NDUFAF1: variants seen among roughly 807,000 people sequenced by gnomAD.
NDUFAF1 encodes complex I intermediate-associated protein 30, mitochondrial.
NDUFAF1 carries 18 observed loss-of-function variants against 28.7 expected under a neutral mutation model. The observed-to-expected ratio is 0.63, with a 90% CI of 0.43 to 0.93. The LOEUF (loss-of-function observed/expected upper bound fraction) is 0.93, where lower values mean the gene tolerates loss of function less well. Among genes scored for constraint, NDUFAF1 ranks in the 40% least tolerant of loss-of-function variants. The pLI is 0.00. For synonymous variants in NDUFAF1, 113 were observed against 139.7 expected, an observed-to-expected ratio of 0.81 and a Z score of 1.35; for missense variants, 404 against 398.3, an observed-to-expected ratio of 1.01 and a Z score of -0.12.
chr15:41,395,580 C>T (rs1213916767), intron 2 of NDUFAF1, among the ~76,000 whole-genome samples: 1 of 151,320 alleles, frequency 6.6e-6, no homozygotes, highest in Non-Finnish European at 1.5e-5. Context: ...CCGTGTTAGC[C>T]AGGATGGTCT....
chr15:41,395,608 G>A (rs1313162009), intron 2 of NDUFAF1, among the ~76,000 whole-genome samples: 2 of 149,250 alleles, frequency 1.3e-5, no homozygotes, highest in Non-Finnish European at 3.0e-5. Flanking sequence ...CTGACCTGGT[G>A]ATCCGCCCAC....
At chr15:41,391,426 G>A (rs1399837825) in intron 3 of NDUFAF1, among the ~76,000 whole-genome samples, 1 of 151,790 alleles carries the variant, frequency 6.6e-6, no homozygotes, top group Non-Finnish European at 1.5e-5. Context: ...TTCGAAACCA[G>A]CCTGGCCAAC....
intron 2 of NDUFAF1, 133 bp from the exon 3 acceptor site, chr15:41,395,177 T>G (rs752473087): frequency 6.5e-6 from 5 of 774,694 alleles, no homozygotes; most frequent in African/African-American, 1.7e-5. Flanking sequence ...AGAAGGCACA[T>G]AAACCCAGTG....
chr15:41,398,966 A>T (rs1034298311), intron 1 of NDUFAF1, among the ~76,000 whole-genome samples: 12 of 151,654 alleles, frequency 7.9e-5, no homozygotes, highest in African/African-American at 1.9e-4. Context: ...CAAAAAAAAT[A>T]AAAAAACCAA....
At chr15:41,394,054 G>C (rs1555382382) in intron 3 of NDUFAF1, 1 of 105,662 alleles carries the variant, frequency 9.5e-6, no homozygotes, top group Admixed American at 1.3e-4. Context: ...TTGAGACAAA[G>C]TTTGGCTCTT....
chr15:41,396,087 CAA>C (rs71431810), intron 2 of NDUFAF1, among the ~76,000 whole-genome samples: 2 of 130,034 alleles, frequency 1.5e-5, no homozygotes, highest in Non-Finnish European at 1.7e-5. Flanking sequence ...GACTCCGTTT[CAA>C]AAAAAAAAAA....
chr15:41,401,527 T>C (rs1403297266), intron 1 of NDUFAF1, among the ~76,000 whole-genome samples: 1 of 151,176 alleles, frequency 6.6e-6, no homozygotes, highest in Admixed American at 6.6e-5. Context: ...CTCCACCTCC[T>C]GGTTTCAAGC....
At chr15:41,395,131 G>T in intron 2 of NDUFAF1, 87 bp from the exon 3 acceptor site, 1 of 1,251,274 alleles carries the variant, frequency 8.0e-7, no homozygotes. Flanking sequence ...TCATCAACAG[G>T]ATGCACTAAC....
chr15:41,388,150 T>A (rs1595629055), intron 4 of NDUFAF1, among the ~76,000 whole-genome samples: 6 of 152,288 alleles, frequency 3.9e-5, no homozygotes, highest in Admixed American at 3.9e-4. Flanking sequence ...GAATGCCTAA[T>A]GGAGTTCCTT....
chr15:41,399,315 G>C (rs1361639653), intron 1 of NDUFAF1, among the ~76,000 whole-genome samples: 1 of 151,746 alleles, frequency 6.6e-6, no homozygotes, highest in Non-Finnish European at 1.5e-5. Flanking sequence ...AGAATCGCTT[G>C]AACCCAGGAG....
At position 41,397,240 on chromosome 15, in the gene NDUFAF1, T is replaced by A. The variant is rs1001827704; in HGVS notation, c.-81-100A>T. On this transcript the variant is annotated intron_variant, in intron 1 of 4. Transcript: ENST00000260361. ...AGGTATTTTGAAGTTTGTTAACTTATTTGTTTACTATTATTATTATTATTA... is the reference window on the plus strand; with the variant it reads ...AGGTATTTTGAAGTTTGTTAACTTAATTGTTTACTATTATTATTATTATTA... 157 of 603,214 alleles carry A rather than the reference T, an allele frequency of 2.6e-4. 1 individual carries two copies. Among genetic ancestry groups the A allele is most frequent in the Non-Finnish European group, 6.4e-5 (22 of 342,760 alleles). 37.4% of individuals were successfully genotyped at this position (603,214 alleles called of 1,614,324 possible).
chr15:41,396,929 G>C lies in NDUFAF1; in HGVS notation c.131C>G (p.Ala44Gly), dbSNP rs755573481. The stretch of plus-strand genomic sequence containing the variant: ...CTGTGAGGAGGCTTTGCCAGGAGAA[G>C]CCACTGGTTTCTGAAGACTACTGGA... ...EYSSSLQKPV[A>G]SPGKASSQRK... Residue 44 changes from alanine to glycine, a missense_variant, in exon 2 of 5, where the codon GCT becomes GGT. By Grantham distance (60) the Ala-to-Gly change is moderately conservative (BLOSUM62 0). Transcript: ENST00000260361. 6.2e-7 allele frequency: 1 copy of C among 1,613,810 alleles called. No homozygotes were observed. Among genetic ancestry groups the C allele is most frequent in the Admixed American group, 1.7e-5 (1 of 59,898 alleles).
At chr15:41,390,814 T>G (rs1020690422) in intron 3 of NDUFAF1, among the ~76,000 whole-genome samples, 4 of 151,690 alleles carry the variant, frequency 2.6e-5, no homozygotes, top group African/African-American at 9.7e-5. Context: ...GGGCGGATCA[T>G]GAGGCCAGGA....
intron 1 of NDUFAF1, among the ~76,000 whole-genome samples, chr15:41,399,392 TAA>T (rs750171805): frequency 1.3e-4 from 15 of 118,936 alleles, no homozygotes; most frequent in East Asian, 2.5e-4. Flanking sequence ...TGACTCCAAC[TAA>T]AAAAAAAAAA....
chr15:41,401,571 G>A (rs1183165305), intron 1 of NDUFAF1, among the ~76,000 whole-genome samples: 3 of 151,498 alleles, frequency 2.0e-5, no homozygotes, highest in African/African-American at 4.9e-5. Flanking sequence ...GATTACAGGC[G>A]TGCGCCACCA....
At chr15:41,395,664 C>T (rs1223027344) in intron 2 of NDUFAF1, among the ~76,000 whole-genome samples, 2 of 139,020 alleles carry the variant, frequency 1.4e-5, no homozygotes, top group Non-Finnish European at 3.1e-5. Flanking sequence ...GCCACTGCGC[C>T]CGGCCTTTTT....
In NDUFAF1 at chr15:41,396,057, T is replaced by C. The variant is rs141639688; in HGVS notation, c.573+430A>G. ...GAGCCGAGATCACGCCACTGCACTC[T>C]AGCCTGGGCGACAGAGCAAGACTCC... On this transcript the variant is annotated intron_variant, in intron 2 of 4. Transcript: ENST00000260361. Among the ~76,000 whole-genome samples, 403 of 150,354 alleles carry C rather than the reference T, an allele frequency of 2.7e-3. 2 individuals carry two copies. Among genetic ancestry groups the C allele is most frequent in the African/African-American group, 9.3e-3 (380 of 40,884 alleles).
intron 1 of NDUFAF1, 125 bp downstream of exon 1, chr15:41,402,019 T>TTTTTTTA: frequency 3.8e-6 from 1 of 259,840 alleles, no homozygotes; most frequent in Non-Finnish European, 8.1e-6. Flanking sequence ...TTTTTTTTTC[T>TTTTTTTA]ACCAGTAAAC....
intron 3 of NDUFAF1, among the ~76,000 whole-genome samples, chr15:41,390,084 C>T (rs2050298512): frequency 1.3e-5 from 2 of 152,186 alleles, no homozygotes; most frequent in South Asian, 2.1e-4. Flanking sequence ...CCACCTCAGC[C>T]TCCTGAGTAG....
Sources: allele counts gnomAD v4.1 joint callset (sites outside exome capture counted in the v4.1 genomes callset), GRCh38; gene constraint gnomAD v4.1.1; transcripts MANE v1.5; gene names NCBI Gene and HGNC (gene_info 2026-07-23, HGNC 2026-07-21).